The following GALNTL6 variants were observed in gnomAD, a reference collection of about 807,000 sequenced individuals.
The protein encoded by GALNTL6 is polypeptide N-acetylgalactosaminyltransferase-like 6.
Under a neutral mutation model 73.7 loss-of-function variants are expected in GALNTL6, and 46 were observed. The ratio of observed to expected loss-of-function variants is 0.62; its 90% confidence interval spans 0.49 to 0.80. The LOEUF is 0.80. GALNTL6 is among the 30% of genes least tolerant of loss of function. GALNTL6 has a pLI of 0.00. For missense variants in GALNTL6, 604 were observed against 755.0 expected (o/e 0.80, Z 2.34); for synonymous variants, 259 against 263.7 (o/e 0.98, Z 0.17).
rs150556142 is a variant in GALNTL6, at chr4:172,001,149, G to T, written c.138+186431G>T. 5.0e-3 allele frequency among the ~76,000 whole-genome samples: 763 copies of T among 152,246 alleles called. 7 individuals carry two copies. Among genetic ancestry groups the T allele is most frequent in the East Asian group, 0.037 (192 of 5,186 alleles). Reference sequence around the variant, plus strand: ...TAAAGAATCTTCGCAACAAAAGAGAGTTGAGAAATCTGAAATATTTTCCAG... The same window carrying T: ...TAAAGAATCTTCGCAACAAAAGAGATTTGAGAAATCTGAAATATTTTCCAG... On this transcript the variant is annotated intron_variant, in intron 2 of 12. Transcript: ENST00000506823.
At chr4:172,391,385 A>G (rs753369111) in intron 5 of GALNTL6, among the ~76,000 whole-genome samples, 3 of 151,992 alleles carry the variant, frequency 2.0e-5, no homozygotes. Flanking sequence ...TGTTGCCCAG[A>G]GCTGAAAGTC....
intron 5 of GALNTL6, among the ~76,000 whole-genome samples, chr4:172,379,213 G>T (rs1327616631): frequency 6.6e-6 from 1 of 152,172 alleles, no homozygotes; most frequent in Non-Finnish European, 1.5e-5. Flanking sequence ...AATAAAGTTA[G>T]ACTTGGCTAG....
At chr4:172,340,591 G>C (rs1440009010) in intron 4 of GALNTL6, among the ~76,000 whole-genome samples, 1 of 152,056 alleles carries the variant, frequency 6.6e-6, no homozygotes, top group Non-Finnish European at 1.5e-5. Flanking sequence ...AAAATATTTT[G>C]TATTACTATA....
chr4:172,666,131 C>T (rs1421912054), intron 5 of GALNTL6, among the ~76,000 whole-genome samples: 1 of 152,122 alleles, frequency 6.6e-6, no homozygotes, highest in East Asian at 1.9e-4. Flanking sequence ...ACTATAAGTT[C>T]TATGCCCTCA....
chr4:172,711,017 A>C (rs1049893540), intron 5 of GALNTL6, among the ~76,000 whole-genome samples: 1 of 152,156 alleles, frequency 6.6e-6, no homozygotes, highest in South Asian at 2.1e-4. Flanking sequence ...TTGAGCCTGC[A>C]ACCTAGAGAG....
At chr4:172,311,571 G>C (rs1740360016) in intron 3 of GALNTL6, 43 bp from the exon 4 acceptor site, 1 of 1,533,552 alleles carries the variant, frequency 6.5e-7, no homozygotes, top group Non-Finnish European at 8.8e-7. Context: ...AGATAAAATG[G>C]CTTTTATAGA....
intron 2 of GALNTL6, among the ~76,000 whole-genome samples, chr4:171,954,745 G>T (rs941072023): frequency 1.3e-5 from 2 of 152,112 alleles, no homozygotes; most frequent in African/African-American, 2.4e-5. Flanking sequence ...TGGTGGAGGG[G>T]CATGGTGAGA....
At chr4:172,002,301 A>G (rs4692644) in intron 2 of GALNTL6, among the ~76,000 whole-genome samples, 116,296 of 151,964 alleles carry the variant, frequency 0.77, 44,812 homozygotes, top group Admixed American at 0.85. Flanking sequence ...TGGAGCCCTT[A>G]CTAATGCAAT....
At chr4:172,119,706 T>C (rs1733093180) in intron 2 of GALNTL6, among the ~76,000 whole-genome samples, 1 of 152,130 alleles carries the variant, frequency 6.6e-6, no homozygotes. Flanking sequence ...TCATAAACAA[T>C]GAAATGAAAG....
intron 7 of GALNTL6, among the ~76,000 whole-genome samples, chr4:172,859,437 A>T (rs1744282483): frequency 6.6e-6 from 1 of 152,132 alleles, no homozygotes; most frequent in Admixed American, 6.6e-5. Flanking sequence ...GCCCATAGAG[A>T]TCTTTTCCAC....
intron 2 of GALNTL6, among the ~76,000 whole-genome samples, chr4:171,983,346 T>C (rs1739966467): frequency 6.6e-6 from 1 of 152,144 alleles, no homozygotes; most frequent in Non-Finnish European, 1.5e-5. Flanking sequence ...CTGTAACAGG[T>C]GCTATCATAT....
chr4:172,186,246 A>G (rs1735411968), intron 2 of GALNTL6, among the ~76,000 whole-genome samples: 1 of 152,162 alleles, frequency 6.6e-6, no homozygotes, highest in Non-Finnish European at 1.5e-5. Flanking sequence ...ATGATATACT[A>G]CTTGACAGCC....
At chr4:172,490,895 A>C (rs993076760) in intron 5 of GALNTL6, among the ~76,000 whole-genome samples, 2 of 152,152 alleles carry the variant, frequency 1.3e-5, no homozygotes, top group Admixed American at 1.3e-4. Context: ...CCGTTCATTC[A>C]TTTATTCATT....
chr4:172,912,482 CAG>C (rs1747263897), intron 8 of GALNTL6, among the ~76,000 whole-genome samples: 1 of 152,202 alleles, frequency 6.6e-6, no homozygotes, highest in Non-Finnish European at 1.5e-5. Flanking sequence ...GAAGCCATGA[CAG>C]ACGGTACCTG....
chr4:172,143,445 C>T (rs2110743367), intron 2 of GALNTL6, among the ~76,000 whole-genome samples: 1 of 151,680 alleles, frequency 6.6e-6, no homozygotes, highest in East Asian at 1.9e-4. Flanking sequence ...AGATTTCCTT[C>T]CTTGTTTCTT....
intron 2 of GALNTL6, among the ~76,000 whole-genome samples, chr4:171,838,714 C>T (rs1032723510): frequency 2.0e-5 from 3 of 152,134 alleles, no homozygotes; most frequent in Admixed American, 2.0e-4. Flanking sequence ...CAACAAAGTG[C>T]TGGTCCAGGT....
At chr4:172,157,194 A>G (rs974157385) in intron 2 of GALNTL6, among the ~76,000 whole-genome samples, 1 of 152,232 alleles carries the variant, frequency 6.6e-6, no homozygotes, top group Non-Finnish European at 1.5e-5. Context: ...AAAGAGTAGA[A>G]AGACAATAGT....
At chr4:172,655,052 T>C (rs1730905044) in intron 5 of GALNTL6, among the ~76,000 whole-genome samples, 1 of 152,226 alleles carries the variant, frequency 6.6e-6, no homozygotes, top group African/African-American at 2.4e-5. Flanking sequence ...CACAGGTTCA[T>C]AATGCTATGA....
intron 7 of GALNTL6, among the ~76,000 whole-genome samples, chr4:172,836,313 G>T (rs776818375): frequency 1.3e-5 from 2 of 152,214 alleles, no homozygotes; most frequent in Non-Finnish European, 2.9e-5. Flanking sequence ...GAAAGAGCAC[G>T]ATCTCACAAG....
Sources: gnomAD v4.1 joint callset for allele counts (sites outside exome capture counted in the v4.1 genomes callset) on GRCh38, gnomAD v4.1.1 for gene constraint, MANE v1.5 for transcripts, NCBI Gene and HGNC (gene_info 2026-07-23, HGNC 2026-07-21) for gene names.